Variants in CALCOCO2 observed in about 807,000 individuals in gnomAD.
CALCOCO2 encodes the protein calcium-binding and coiled-coil domain-containing protein 2.
CALCOCO2 carries 42 observed loss-of-function variants against 62.5 expected under a neutral mutation model. The observed-to-expected ratio is 0.67, with a 90% confidence interval of 0.53 to 0.87. CALCOCO2 has a LOEUF of 0.87. CALCOCO2 is among the 40% of genes least tolerant of loss of function. The pLI, the probability that CALCOCO2 is intolerant of heterozygous loss-of-function variation, is 0.00. For missense variants in CALCOCO2, 456 were observed against 515.0 expected (o/e 0.89, Z 1.11); for synonymous variants, 167 against 173.0 (o/e 0.97, Z 0.27).
intron 4 of CALCOCO2, 165 bp downstream of exon 4, chr17:48,848,620 T>C: frequency 1.5e-6 from 1 of 683,356 alleles, no homozygotes. Context: ...TTCGGAATGT[T>C]AACAAGACTC....
chr17:48,846,157 G>T, intron 2 of CALCOCO2: 3 of 856,934 alleles, frequency 3.5e-6, no homozygotes, highest in South Asian at 1.9e-5. Context: ...TTTATTTTGA[G>T]ACAGAGTCTT....
At chr17:48,851,053 A>G in intron 5 of CALCOCO2, 36 bp from the exon 6 acceptor site, 1 of 1,157,552 alleles carries the variant, frequency 8.6e-7, no homozygotes, top group Non-Finnish European at 1.3e-6. Context: ...AAGTCATAGA[A>G]CTAGTCTGTC....
chr17:48,852,656 T>C (rs1331995764), intron 8 of CALCOCO2, 28 bp downstream of exon 8: 2 of 1,600,428 alleles, frequency 1.2e-6, no homozygotes, highest in South Asian at 1.1e-5. Context: ...AACAACACTT[T>C]TAGGCATTTG....
intron 2 of CALCOCO2, chr17:48,842,743 C>G (rs763042974): frequency 6.6e-6 from 1 of 151,622 alleles, no homozygotes; most frequent in Admixed American, 6.6e-5. Context: ...CAGGTTCAAG[C>G]GATTCTCCTG....
In CALCOCO2 at chr17:48,848,374, G is replaced by T. The variant is rs1259979059; in HGVS notation, c.336G>T (p.Glu112Asp). The stretch of plus-strand genomic sequence containing the variant: ...ATTACCAGTTCTGCTATGTGGATGA[G>T]GATGGTGTGGTCCGGGGAGCAAGTA... Reference protein sequence around the residue: ...DEYYQFCYVDEDGVVRGASIP... With the variant: ...DEYYQFCYVDDDGVVRGASIP... Residue 112 changes from glutamate to aspartate, a missense_variant, in exon 4 of 13, where the codon GAG (glutamate) becomes GAT (aspartate). Coordinates refer to ENST00000258947, the MANE Select transcript of CALCOCO2 (RefSeq NM_005831.5). The T allele has an allele frequency of 1.2e-6, 2 of 1,613,200 alleles. No homozygotes were observed. The highest frequency in any genetic ancestry group is 1.3e-5 in the African/African-American group (1 of 74,906).
chr17:48,850,825 C>G (rs1301580340), intron 5 of CALCOCO2, among the ~76,000 whole-genome samples: 1 of 149,058 alleles, frequency 6.7e-6, no homozygotes, highest in African/African-American at 2.5e-5. Context: ...GGCTGAGGCA[C>G]AACAATTGCG....
intron 4 of CALCOCO2, 111 bp downstream of exon 4, chr17:48,848,566 G>A: frequency 1.0e-6 from 1 of 984,934 alleles, no homozygotes. Flanking sequence ...GGTATCATTG[G>A]AAAAAATGTA....
At chr17:48,856,232 A>G in intron 10 of CALCOCO2, 45 bp downstream of exon 10, 1 of 1,124,918 alleles carries the variant, frequency 8.9e-7, no homozygotes, top group Non-Finnish European at 1.3e-6. Context: ...TTTTAAGGGG[A>G]AGGATCAGGG....
chr17:48,835,505 T>C (rs112114535), intron 1 of CALCOCO2, among the ~76,000 whole-genome samples: 1,797 of 152,212 alleles, frequency 0.012, 37 homozygotes, highest in African/African-American at 0.04. Context: ...ATTTCTGAAA[T>C]GGGAAACTCC....
chr17:48,833,276 G>C (rs975961226), intron 1 of CALCOCO2, among the ~76,000 whole-genome samples: 1 of 152,160 alleles, frequency 6.6e-6, no homozygotes, highest in African/African-American at 2.4e-5. Flanking sequence ...TAAGCAGAAG[G>C]CCGGGCACAG....
At position 48,848,410 on chromosome 17, in the gene CALCOCO2, A is replaced by G. The variant is rs1477848609; in HGVS notation, c.372A>G (p.Gln124=). The change falls in exon 4 of 13, where the codon CAA becomes CAG. Residue 124 remains glutamine (Q), a synonymous_variant. Coordinates refer to ENST00000258947, the MANE Select transcript of CALCOCO2 (RefSeq NM_005831.5). ...GVVRGASIPF[Q]FRPENEEDIL... Reference sequence around the variant, plus strand: ...TCCGGGGAGCAAGTATTCCTTTCCAATTCCGTCCAGAAAATGAGGAAGACA... The same window carrying G: ...TCCGGGGAGCAAGTATTCCTTTCCAGTTCCGTCCAGAAAATGAGGAAGACA... 2.5e-6 allele frequency: 4 copies of G among 1,614,014 alleles called. No homozygotes were observed. Among genetic ancestry groups the G allele is most frequent in the African/African-American group, 1.3e-5 (1 of 75,024 alleles).
At chr17:48,854,397 T>TATATATATATATATATATATA (rs1491128634) in intron 9 of CALCOCO2, among the ~76,000 whole-genome samples, 3 of 1,756 alleles carry the variant, frequency 1.7e-3, no homozygotes, top group African/African-American at 2.8e-3. Context: ...TATATATATA[T>TATATATATATATATATATATA]TTTTTTTTTT....
rs771619624 is a variant in CALCOCO2 at position 48,851,615 on chromosome 17, T to C, written c.689T>C (p.Val230Ala). 6.3e-7 allele frequency: 1 copy of C among 1,592,204 alleles called. No homozygotes were observed. Among genetic ancestry groups the C allele is most frequent in the Non-Finnish European group, 8.6e-7 (1 of 1,160,040 alleles). Residue 230 changes from valine (V) to alanine (A), a missense_variant, in exon 7 of 13, where the codon GTG becomes GCG. Transcript: ENST00000258947. ...GAAAATGAGAAGATGGGAATCAGAG[T>C]GGATCAGCTTCAGGTAGGTAATGCC... The part of the protein sequence containing the change: ...SSENEKMGIR[V>A]DQLQAQLSTQ...
intron 1 of CALCOCO2, among the ~76,000 whole-genome samples, chr17:48,835,688 C>T (rs1391360505): frequency 2.0e-5 from 3 of 151,980 alleles, no homozygotes; most frequent in East Asian, 1.9e-4. Context: ...CTTTCTTAAG[C>T]GTTCTGCTTA....
At chr17:48,843,282 C>T (rs2040000802) in intron 2 of CALCOCO2, among the ~76,000 whole-genome samples, 1 of 152,182 alleles carries the variant, frequency 6.6e-6, no homozygotes. Flanking sequence ...CCCTCTTATA[C>T]ATCTCACATA....
intron 7 of CALCOCO2, among the ~76,000 whole-genome samples, chr17:48,852,008 C>A (rs1235542137): frequency 6.6e-6 from 1 of 151,816 alleles, no homozygotes; most frequent in East Asian, 1.9e-4. Context: ...AATTTACAGG[C>A]GCACGTGTAA....
At chr17:48,860,555 A>G in intron 11 of CALCOCO2, 106 bp downstream of exon 11, 4 of 973,108 alleles carry the variant, frequency 4.1e-6, no homozygotes, top group Non-Finnish European at 6.2e-6. Flanking sequence ...CATTGTTAAG[A>G]CTTGCTGGGC....
At chr17:48,854,936 A>G (rs8074034) in intron 9 of CALCOCO2, among the ~76,000 whole-genome samples, 52,187 of 151,958 alleles carry the variant, frequency 0.34, 11,284 homozygotes, top group Non-Finnish European at 0.49. Context: ...TATTTCTTAG[A>G]GAAGTACAAA....
At chr17:48,844,346 T>G (rs1474633652) in intron 2 of CALCOCO2, among the ~76,000 whole-genome samples, 1 of 152,194 alleles carries the variant, frequency 6.6e-6, no homozygotes, top group East Asian at 1.9e-4. Context: ...TCTTTTTTTT[T>G]TCTTTTTGGA....
Sources: gnomAD v4.1 joint callset for allele counts (sites outside exome capture counted in the v4.1 genomes callset) on GRCh38, gnomAD v4.1.1 for gene constraint, MANE v1.5 for transcripts, NCBI Gene and HGNC (gene_info 2026-07-23, HGNC 2026-07-21) for gene names.